Variants in USP34 observed in about 807,000 individuals in gnomAD.
USP34 encodes ubiquitin carboxyl-terminal hydrolase 34.
Under a neutral mutation model 460.3 loss-of-function variants are expected in USP34, and 70 were observed. The observed-to-expected ratio is 0.15, with a 90% CI of 0.13 to 0.19. USP34 has a LOEUF of 0.19. Ranked by LOEUF, USP34 falls within the 10% of genes least tolerant of loss-of-function variation. USP34 has a pLI of 1.00. For synonymous variants in USP34, 1,647 were observed against 1,405.3 expected, an observed-to-expected ratio of 1.17 and a Z score of -3.85; for missense variants, 3,985 against 4,236.2, an observed-to-expected ratio of 0.94 and a Z score of 1.65.
At position 61,188,045 on chromosome 2, in the gene USP34, C is replaced by T. The variant is rs1197400401; in HGVS notation, c.*57G>A. On this transcript the variant is annotated 3_prime_UTR_variant, in exon 80 of 80. Transcript: ENST00000398571. ...CAAAAACAAATAAGCAAAACTTATACAAACAGCATGGGGGTTGGGGGTGAG... is the reference window on the plus strand; with the variant it reads ...CAAAAACAAATAAGCAAAACTTATATAAACAGCATGGGGGTTGGGGGTGAG... The T allele has an allele frequency of 6.5e-7, 1 of 1,544,552 alleles. No homozygotes were observed. Among genetic ancestry groups the T allele is most frequent in the African/African-American group, 1.4e-5 (1 of 72,320 alleles).
Position 61,204,520 on chromosome 2 carries a change from G to C in USP34, c.9236C>G (p.Thr3079Ser). ...ACTTGGTATATTACTGTGATGGTAA[G>C]TACAATGGTTGTGTTGTAGAAAGGG... ...LVPFLQHNHC[T>S]YHHSNIPMSL... Residue 3079 changes from threonine (T) to serine (S), a missense_variant, in exon 73 of 80, where the codon ACT becomes AGT. Transcript: ENST00000398571. 6.2e-7 allele frequency: 1 copy of C among 1,614,068 alleles called. No individual in the cohort carries two copies. Among genetic ancestry groups the C allele is most frequent in the Non-Finnish European group, 8.5e-7 (1 of 1,179,914 alleles).
At chr2:61,381,021 G>A (rs868855376) in intron 6 of USP34, among the ~76,000 whole-genome samples, 24 of 152,182 alleles carry the variant, frequency 1.6e-4, no homozygotes, top group Middle Eastern at 6.8e-3. Flanking sequence ...TGCTCGTTAA[G>A]AGTCATCACC....
At chr2:61,317,537 C>A (rs928987320) in intron 23 of USP34, 117 bp downstream of exon 23, 1 of 843,562 alleles carries the variant, frequency 1.2e-6, no homozygotes, top group African/African-American at 1.7e-5. Context: ...AAAACAAACC[C>A]AACTGCACTG....
intron 78 of USP34, chr2:61,189,602 A>T (rs2103730177): frequency 6.6e-6 from 1 of 152,512 alleles, no homozygotes; most frequent in South Asian, 2.1e-4. Context: ...CACTAATAGC[A>T]TTATTTTATG....
At chr2:61,378,928 A>AAAAAAAAAAAAAAAAAAC (rs1692884114) in intron 7 of USP34, among the ~76,000 whole-genome samples, 1 of 149,100 alleles carries the variant, frequency 6.7e-6, no homozygotes, top group Non-Finnish European at 1.5e-5. Flanking sequence ...AAAAAAAAAA[A>AAAAAAAAAAAAAAAAAAC]AAAAAAAAAC....
Position 61,235,792 on chromosome 2 carries a change from G to A in USP34, c.7032+53C>T, listed in dbSNP as rs1381224576. ...CTGTAGCATCTTAGATCAGAGGGGG[G>A]GAAAAAAAAAAGAATCTTAAACTAT... On this transcript the variant is annotated intron_variant, in intron 57 of 79. Transcript: ENST00000398571. 127 of 1,560,360 alleles carry A rather than the reference G, an allele frequency of 8.1e-5. No individual in the cohort carries two copies. In the African/African-American group the frequency reaches 1.5e-3, roughly 18 times the overall value.
chr2:61,378,913 G>GAAAAA (rs34463913), intron 7 of USP34, among the ~76,000 whole-genome samples: 724 of 57,888 alleles, frequency 0.013, 17 homozygotes, highest in African/African-American at 0.021. Flanking sequence ...TCAAAAAAAC[G>GAAAAA]AAAAAAAAAA....
intron 62 of USP34, among the ~76,000 whole-genome samples, chr2:61,225,568 T>TC (rs1378409914): frequency 6.6e-6 from 1 of 152,060 alleles, no homozygotes; most frequent in Non-Finnish European, 1.5e-5. Context: ...TATTCCTCTA[T>TC]CCACTGGAAA....
chr2:61,470,528 G>C (rs1214612555), intron 1 of USP34, 122 bp downstream of exon 1: 6 of 468,702 alleles, frequency 1.3e-5, no homozygotes, highest in Non-Finnish European at 2.2e-5. Flanking sequence ...CGGGGCGCTA[G>C]GCCCGCACGC....
chr2:61,300,915 C>T (rs778079262), intron 29 of USP34, 36 bp downstream of exon 29: 2 of 1,467,088 alleles, frequency 1.4e-6, no homozygotes, highest in South Asian at 1.2e-5. Flanking sequence ...TCAACAGAGA[C>T]ACAAAACAAG....
At chr2:61,229,354 G>T (rs1157635354) in intron 59 of USP34, among the ~76,000 whole-genome samples, 194 bp downstream of exon 59, 1 of 150,474 alleles carries the variant, frequency 6.6e-6, no homozygotes, top group Non-Finnish European at 1.5e-5. Flanking sequence ...AAGCATGGTG[G>T]TTCATGCCTG....
At chr2:61,323,351 A>G (rs1690985434) in intron 21 of USP34, among the ~76,000 whole-genome samples, 1 of 152,066 alleles carries the variant, frequency 6.6e-6, no homozygotes, top group Admixed American at 6.5e-5. Flanking sequence ...CTCTACTAAA[A>G]ATACAAAAAA....
At chr2:61,409,473 G>A (rs1431743444) in intron 2 of USP34, among the ~76,000 whole-genome samples, 4 of 152,166 alleles carry the variant, frequency 2.6e-5, no homozygotes, top group Non-Finnish European at 5.9e-5. Flanking sequence ...CAGCACTTTG[G>A]GAGGCCAAGG....
Position 61,385,671 on chromosome 2 carries a change from CAAAAAAAAAA to C in USP34, c.754-2345_754-2336del, listed in dbSNP as rs61200102. On this transcript the variant is annotated intron_variant, in intron 5 of 79. Coordinates refer to ENST00000398571, the MANE Select transcript of USP34 (RefSeq NM_014709.4). ...TGGGCAACAAAGCAAGACTCTGTCT[CAAAAAAAAAA>C]AAAAAAAAAAAAAGAAATACGACAA... Among the ~76,000 whole-genome samples the C allele has an allele frequency of 1.2e-3, 54 of 46,006 alleles. 1 individual carries two copies. The highest frequency in any genetic ancestry group is 1.6e-3 in the Non-Finnish European group (42 of 27,012). 30.2% of individuals were successfully genotyped at this position (46,006 alleles called of 152,430 possible).
At chr2:61,203,517 T>TA (rs1341518594) in intron 74 of USP34, among the ~76,000 whole-genome samples, 14 of 152,280 alleles carry the variant, frequency 9.2e-5, no homozygotes, top group Admixed American at 9.2e-4. Flanking sequence ...TGTAGGATTT[T>TA]AAAATGTGAC....
chr2:61,394,577 T>C (rs1693458855), intron 5 of USP34, among the ~76,000 whole-genome samples: 1 of 148,986 alleles, frequency 6.7e-6, no homozygotes, highest in African/African-American at 2.5e-5. Flanking sequence ...AAAATGAAAA[T>C]TAGCAAAAGT....
At chr2:61,205,933 A>G in intron 72 of USP34, 84 bp downstream of exon 72, 1 of 1,028,410 alleles carries the variant, frequency 9.7e-7, no homozygotes, top group Non-Finnish European at 1.5e-6. Context: ...TCTTTCAAAC[A>G]CTACAGGCTT....
At chr2:61,351,479 C>T (rs1691941045) in intron 10 of USP34, among the ~76,000 whole-genome samples, 1 of 151,932 alleles carries the variant, frequency 6.6e-6, no homozygotes, top group Non-Finnish European at 1.5e-5. Context: ...AAGTATTTTA[C>T]AGCCATGAAG....
At chr2:61,464,347 CA>C (rs1695700135) in intron 1 of USP34, among the ~76,000 whole-genome samples, 1 of 152,052 alleles carries the variant, frequency 6.6e-6, no homozygotes, top group Non-Finnish European at 1.5e-5. Context: ...AAAATAAACA[CA>C]ACAGAATTAT....
Sources: gnomAD v4.1 joint callset for allele counts (sites outside exome capture counted in the v4.1 genomes callset) on GRCh38, gnomAD v4.1.1 for gene constraint, MANE v1.5 for transcripts, NCBI Gene and HGNC (gene_info 2026-07-23, HGNC 2026-07-21) for gene names.